The following NSUN3 variants were observed in gnomAD, a reference collection of about 807,000 sequenced individuals.
NSUN3 encodes tRNA (cytosine(34)-C(5))-methyltransferase, mitochondrial.
A neutral mutation model predicts 36.8 loss-of-function variants in NSUN3; 24 were observed. The observed-to-expected ratio is 0.65, with a 90% confidence interval of 0.47 to 0.92. The LOEUF is 0.92. Ranked by LOEUF, NSUN3 falls within the 40% of genes least tolerant of loss-of-function variation. The pLI, the probability that NSUN3 is intolerant of heterozygous loss-of-function variation, is 0.00. For synonymous variants in NSUN3, 146 were observed against 145.2 expected (o/e 1.01, Z -0.04); for missense variants, 381 against 392.8 (o/e 0.97, Z 0.25).
chr3:94,095,548 C>T (rs1167221667), intron 5 of NSUN3, among the ~76,000 whole-genome samples: 3 of 152,178 alleles, frequency 2.0e-5, no homozygotes, highest in East Asian at 3.9e-4. Context: ...ATGAATCAGC[C>T]CCTAGCAAGT....
chr3:94,097,501 A>ATTGT (rs541569280), intron 5 of NSUN3, among the ~76,000 whole-genome samples: 18 of 151,750 alleles, frequency 1.2e-4, no homozygotes, highest in African/African-American at 3.9e-4. Context: ...GGATATTTAC[A>ATTGT]TTGTTTGTTT....
chr3:94,064,322 A>T, intron 1 of NSUN3, 115 bp from the exon 2 acceptor site: 1 of 655,218 alleles, frequency 1.5e-6, no homozygotes, highest in Non-Finnish European at 2.7e-6. Flanking sequence ...CCATTTCAAG[A>T]ACTAGTAATT....
intron 2 of NSUN3, among the ~76,000 whole-genome samples, chr3:94,067,358 A>T (rs768283090): frequency 6.6e-6 from 1 of 152,200 alleles, no homozygotes; most frequent in Non-Finnish European, 1.5e-5. Flanking sequence ...TGCTTTCATT[A>T]TAATAAACTG....
intron 3 of NSUN3, among the ~76,000 whole-genome samples, chr3:94,087,734 G>T (rs1176995752): frequency 6.6e-6 from 1 of 152,102 alleles, no homozygotes; most frequent in East Asian, 1.9e-4. Context: ...GCAGTGGTGC[G>T]ATCTTGGCTC....
At chr3:94,112,685 C>T (rs1012534492) in intron 5 of NSUN3, among the ~76,000 whole-genome samples, 2 of 152,104 alleles carry the variant, frequency 1.3e-5, no homozygotes, top group East Asian at 1.9e-4. Context: ...ATGGATCAGA[C>T]GTAGTCATAT....
intron 5 of NSUN3, among the ~76,000 whole-genome samples, chr3:94,100,356 T>C (rs2077359834): frequency 6.6e-6 from 1 of 152,196 alleles, no homozygotes; most frequent in Non-Finnish European, 1.5e-5. Flanking sequence ...GGGCATTATG[T>C]TAAGTGAAAT....
intron 5 of NSUN3, among the ~76,000 whole-genome samples, chr3:94,097,535 T>C (rs1249659057): frequency 6.6e-6 from 1 of 152,216 alleles, no homozygotes; most frequent in Non-Finnish European, 1.5e-5. Context: ...TATAAACCAT[T>C]CTTTAATTTG....
At chr3:94,091,792 G>A (rs375440980) in intron 3 of NSUN3, among the ~76,000 whole-genome samples, 1 of 152,326 alleles carries the variant, frequency 6.6e-6, no homozygotes. Context: ...TATTTGATAG[G>A]CAGTGGTGAA....
intron 5 of NSUN3, among the ~76,000 whole-genome samples, chr3:94,123,702 T>G (rs1277936760): frequency 6.6e-6 from 1 of 152,132 alleles, no homozygotes; most frequent in African/African-American, 2.4e-5. Context: ...CACACTGACC[T>G]CCGCTTTCCT....
At position 94,130,053 on chromosome 3, in the gene NSUN3, G is replaced by A. The variant is rs1293198548; in HGVS notation, c.*3563G>A. 6.6e-6 allele frequency among the ~76,000 whole-genome samples: 1 copy of A among 151,998 alleles called. No homozygotes were observed. The highest frequency in any genetic ancestry group is 1.5e-5 in the Non-Finnish European group (1 of 67,980). ...ACAGGCGTGAGCCACCACACCCACTGTGTATGTTGTCTTTATTGATGCTTA... is the reference window on the plus strand; with the variant it reads ...ACAGGCGTGAGCCACCACACCCACTATGTATGTTGTCTTTATTGATGCTTA... On this transcript the variant is annotated 3_prime_UTR_variant, in exon 6 of 6. Coordinates refer to ENST00000314622, the MANE Select transcript of NSUN3 (RefSeq NM_022072.5).
At chr3:94,077,042 G>C in intron 2 of NSUN3, 1 of 808,436 alleles carries the variant, frequency 1.2e-6, no homozygotes, top group South Asian at 1.3e-5. Flanking sequence ...TGGGCAGTTA[G>C]GCTGGGCCAC....
Position 94,126,694 on chromosome 3 carries a change from A to G in NSUN3, c.*204A>G. ...GAAATATATCTGTAACAATGATTTA[A>G]GGTGGTGCAGATGGTGTTTGTTCTA... is the stretch of plus-strand genomic sequence containing the variant. On this transcript the variant is annotated 3_prime_UTR_variant, in exon 6 of 6. Transcript: ENST00000314622. 1.9e-6 allele frequency: 1 copy of G among 517,824 alleles called. No individual in the cohort carries two copies. Among genetic ancestry groups the G allele is most frequent in the Non-Finnish European group, 3.4e-6 (1 of 293,780 alleles). 32.1% of individuals were successfully genotyped at this position (517,824 alleles called of 1,614,324 possible). A position where few individuals can be genotyped will look rare whatever the true frequency, so the allele number is the denominator to read the frequency against.
At position 94,100,629 on chromosome 3, in the gene NSUN3, C is replaced by T. The variant is rs539531948; in HGVS notation, c.743+5475C>T. On this transcript the variant is annotated intron_variant, in intron 5 of 5. Coordinates refer to ENST00000314622, the MANE Select transcript of NSUN3 (RefSeq NM_022072.5). ...AAAGAATAGATTTGTAGTATTCTTA[C>T]CACAAAAGAATGATAAGTTGGTGGG... is the stretch of plus-strand genomic sequence containing the variant. Among the ~76,000 whole-genome samples the T allele has an allele frequency of 7.6e-4, 115 of 152,188 alleles. 1 individual carries two copies. Among genetic ancestry groups the T allele is most frequent in the African/African-American group, 2.7e-3 (113 of 41,524 alleles).
rs1037796342 is a variant in NSUN3, at chr3:94,089,081, A to G, written c.466+4631A>G. 3.9e-5 allele frequency among the ~76,000 whole-genome samples: 6 copies of G among 152,216 alleles called. 1 individual carries two copies. The highest frequency in any genetic ancestry group is 2.1e-4 in the South Asian group (1 of 4,830). ...TGTACTCTCAAGTGAATTTTAATCT[A>G]ATGTCAACAACATTTTAACAAATTA... On this transcript the variant is annotated intron_variant, in intron 3 of 5. Transcript: ENST00000314622.
rs118109029 is a variant in NSUN3, at chr3:94,130,653, C to T, written c.*4163C>T. Among the ~76,000 whole-genome samples the T allele has an allele frequency of 1.4e-3, 218 of 152,268 alleles. 3 individuals are homozygous for T. The East Asian group carries it at 0.018, about 12-fold the overall frequency. On this transcript the variant is annotated 3_prime_UTR_variant, in exon 6 of 6. Transcript: ENST00000314622. ...TCCTCATCCCCATCCCAGGGGAGAACGTGAATGTTCCAAGGGACTTCGGCC... is the reference window on the plus strand; with the variant it reads ...TCCTCATCCCCATCCCAGGGGAGAATGTGAATGTTCCAAGGGACTTCGGCC...
At chr3:94,083,686 G>C (rs1383390696) in intron 2 of NSUN3, among the ~76,000 whole-genome samples, 1 of 152,164 alleles carries the variant, frequency 6.6e-6, no homozygotes, top group Non-Finnish European at 1.5e-5. Context: ...CAGAAAATGT[G>C]GGGGTTTGCA....
At chr3:94,117,617 A>G (rs1360487390) in intron 5 of NSUN3, among the ~76,000 whole-genome samples, 3 of 152,192 alleles carry the variant, frequency 2.0e-5, no homozygotes, top group South Asian at 4.1e-4. Flanking sequence ...TATCTGCCAT[A>G]TAGTAACAGG....
At chr3:94,089,658 A>G (rs1408145458) in intron 3 of NSUN3, among the ~76,000 whole-genome samples, 1 of 152,194 alleles carries the variant, frequency 6.6e-6, no homozygotes, top group East Asian at 1.9e-4. Context: ...TTAAGGAAGA[A>G]TGAAGGAAGA....
chr3:94,082,194 T>C (rs2077272197), intron 2 of NSUN3: 2 of 152,152 alleles, frequency 1.3e-5, no homozygotes, highest in African/African-American at 4.8e-5. Flanking sequence ...CCGTAAGACT[T>C]ATAATAGTGG....
Sources: gnomAD v4.1 joint callset for allele counts (sites outside exome capture counted in the v4.1 genomes callset) on GRCh38, gnomAD v4.1.1 for gene constraint, MANE v1.5 for transcripts, NCBI Gene and HGNC (gene_info 2026-07-23, HGNC 2026-07-21) for gene names.